MAP3K3: variants seen among roughly 807,000 people sequenced by gnomAD.
The protein encoded by MAP3K3 is mitogen-activated protein kinase kinase kinase 3, also known as MAP/ERK kinase kinase 3.
Under a neutral mutation model 80.9 loss-of-function variants are expected in MAP3K3, and 12 were observed. That is an observed-to-expected ratio of 0.15 (90% CI 0.10 to 0.24). The LOEUF (loss-of-function observed/expected upper bound fraction) is 0.24, where lower values mean the gene tolerates loss of function less well. Ranked by LOEUF, MAP3K3 falls within the 10% of genes least tolerant of loss-of-function variation. The pLI is 1.00. For missense variants in MAP3K3, 596 were observed against 834.7 expected (o/e 0.71, Z 3.52); for synonymous variants, 272 against 307.1 (o/e 0.89, Z 1.19).
At chr17:63,690,561 AG>A in intron 12 of MAP3K3, 149 bp downstream of exon 12, 3 of 834,602 alleles carry the variant, frequency 3.6e-6, no homozygotes, top group Non-Finnish European at 5.5e-6. Flanking sequence ...TCCCAGCCAC[AG>A]GGTGAAAGGA....
chr17:63,657,520 CAA>C, intron 4 of MAP3K3, among the ~76,000 whole-genome samples: 1 of 151,996 alleles, frequency 6.6e-6, no homozygotes, highest in East Asian at 1.9e-4. Context: ...TAAATGGGCA[CAA>C]GAGATCCTGT....
intron 8 of MAP3K3, among the ~76,000 whole-genome samples, chr17:63,687,907 C>A (rs2035492998): frequency 2.0e-5 from 3 of 152,002 alleles, no homozygotes; most frequent in South Asian, 4.2e-4. Context: ...AGCACTCCAG[C>A]CCGGCAGCAG....
At chr17:63,633,157 G>A (rs1055349666) in intron 2 of MAP3K3, among the ~76,000 whole-genome samples, 1 of 151,910 alleles carries the variant, frequency 6.6e-6, no homozygotes, top group Non-Finnish European at 1.5e-5. Flanking sequence ...GAACCTGGAA[G>A]GCAAAGGCTG....
At chr17:63,653,749 C>T (rs1269880191) in intron 4 of MAP3K3, among the ~76,000 whole-genome samples, 2 of 152,124 alleles carry the variant, frequency 1.3e-5, no homozygotes, top group Non-Finnish European at 2.9e-5. Context: ...ATTTATTTAT[C>T]TCTTTGTAAT....
intron 6 of MAP3K3, among the ~76,000 whole-genome samples, chr17:63,671,904 C>T (rs913515381): frequency 6.6e-6 from 1 of 151,710 alleles, no homozygotes; most frequent in African/African-American, 2.4e-5. Flanking sequence ...CAGGTGTTTT[C>T]AGGAGGCTAA....
At chr17:63,670,919 T>G (rs2035094760) in intron 6 of MAP3K3, among the ~76,000 whole-genome samples, 1 of 152,234 alleles carries the variant, frequency 6.6e-6, no homozygotes, top group Non-Finnish European at 1.5e-5. Flanking sequence ...GCATGGAAAG[T>G]AGTGAAAAGC....
intron 5 of MAP3K3, among the ~76,000 whole-genome samples, chr17:63,659,901 A>G (rs1166301230): frequency 6.6e-6 from 1 of 152,152 alleles, no homozygotes; most frequent in African/African-American, 2.4e-5. Context: ...ATAAATTATA[A>G]GGCTACAGTT....
At chr17:63,671,445 G>A (rs1372770703) in intron 6 of MAP3K3, among the ~76,000 whole-genome samples, 1 of 151,916 alleles carries the variant, frequency 6.6e-6, no homozygotes, top group African/African-American at 2.4e-5. Flanking sequence ...TAGTAGAGAC[G>A]GGGTTTCACC....
intron 3 of MAP3K3, among the ~76,000 whole-genome samples, chr17:63,650,696 G>GAGAGA (rs752583799): frequency 1.8e-5 from 2 of 112,484 alleles, no homozygotes; most frequent in African/African-American, 3.7e-5. Context: ...GAGAGAGAGA[G>GAGAGA]TTTTTTTTTT....
In MAP3K3 at chr17:63,622,700, C is replaced by T. The variant is rs1308839815; in HGVS notation, c.-60C>T. ...CCCCGCCGCCCGGGCCCCCGGCATG[C>T]AGCCCCGGCTGCGGAGGTGACACTC... On this transcript the variant is annotated 5_prime_UTR_variant, in exon 1 of 16. An upstream open reading frame in the 5' UTR gains an earlier in-frame stop. Transcript: ENST00000361733. 1.8e-5 allele frequency: 8 copies of T among 436,294 alleles called. No homozygotes were observed. The highest frequency in any genetic ancestry group is 2.7e-5 in the Non-Finnish European group (6 of 222,974). The allele number at this position is 436,294 out of a possible 1,614,324, so 27.0% of individuals were successfully genotyped here.
chr17:63,693,230 C>T lies in MAP3K3; in HGVS notation c.1653-319C>T, dbSNP rs1238415308. ...TGACCTTCAGAACTGTAAGATGATA[C>T]ATTTGTGTTGTTTTCCTGCCTCTAA... On this transcript the variant is annotated intron_variant, in intron 15 of 15. Transcript: ENST00000361733. The surrounding 1 kb of genome is among the most constrained non-coding windows in gnomAD (Gnocchi z 4.2). Among the ~76,000 whole-genome samples the T allele has an allele frequency of 6.6e-6, 1 of 152,194 alleles. No homozygotes were observed. The highest frequency in any genetic ancestry group is 2.4e-5 in the African/African-American group (1 of 41,438).
chr17:63,663,979 A>T (rs141905459), intron 5 of MAP3K3, among the ~76,000 whole-genome samples: 5,220 of 152,234 alleles, frequency 0.034, 320 homozygotes, highest in African/African-American at 0.12. Flanking sequence ...GCGGTGGCTC[A>T]CGCCTGTAAT....
At chr17:63,664,202 G>A (rs1368878146) in intron 5 of MAP3K3, among the ~76,000 whole-genome samples, 6 of 131,550 alleles carry the variant, frequency 4.6e-5, no homozygotes, top group African/African-American at 9.2e-5. Flanking sequence ...AGCCGAGATC[G>A]CGCCACTGCA....
At position 63,691,765 on chromosome 17, in the gene MAP3K3, T is replaced by C. The variant is rs770594407; in HGVS notation, c.1377T>C (p.Gly459=). 9.9e-6 allele frequency: 16 copies of C among 1,614,072 alleles called. No individual in the cohort carries two copies. Among genetic ancestry groups the C allele is most frequent in the Non-Finnish European group, 1.3e-5 (15 of 1,179,990 alleles). ...GSVKDQLKAY[G]ALTESVTRKY... is the part of the protein sequence containing the mutation. ...TGAAAGACCAGTTGAAGGCTTACGG[T>C]GCTCTGACAGAGAGCGTGACCCGAA... Residue 459 remains glycine, a synonymous_variant, in exon 14 of 16, where the codon GGT becomes GGC. Transcript: ENST00000361733. The surrounding 1 kb of genome is among the most constrained non-coding windows in gnomAD (Gnocchi z 4.8).
intron 1 of MAP3K3, 139 bp from the exon 2 acceptor site, chr17:63,632,542 T>G (rs2034238051): frequency 7.9e-6 from 7 of 883,146 alleles, no homozygotes; most frequent in Admixed American, 2.5e-5. Context: ...TCTGACCTTT[T>G]GGGCTGCATC....
rs780121129 is a variant in MAP3K3, at chr17:63,691,738, G to A, written c.1350G>A (p.Ser450=). Residue 450 remains serine, a synonymous_variant, in exon 14 of 16, where the codon TCG becomes TCA. Coordinates refer to ENST00000361733, the MANE Select transcript of MAP3K3 (RefSeq NM_002401.5). This position sits in a 1 kb window ranked among gnomAD's most constrained non-coding sequence, Gnocchi z 4.8. The stretch of plus-strand genomic sequence containing the variant: ...TGACTTCTTGTGGCCTCCAGGGCTC[G>A]GTGAAAGACCAGTTGAAGGCTTACG... ...TIFMEYMPGG[S]VKDQLKAYGA... 26 of 1,613,336 alleles carry A rather than the reference G, an allele frequency of 1.6e-5. No homozygotes were observed. Among genetic ancestry groups the A allele is most frequent in the Non-Finnish European group, 2.0e-5 (24 of 1,179,596 alleles).
At chr17:63,665,729 C>G (rs1157767696) in intron 5 of MAP3K3, among the ~76,000 whole-genome samples, 1 of 152,116 alleles carries the variant, frequency 6.6e-6, no homozygotes, top group Non-Finnish European at 1.5e-5. Flanking sequence ...TCGGAGGCTT[C>G]AGCAAGAACA....
chr17:63,691,253 A>T lies in MAP3K3; in HGVS notation c.1344+20A>T, dbSNP rs955766664. On this transcript the variant is annotated intron_variant, in intron 13 of 15. Coordinates refer to ENST00000361733, the MANE Select transcript of MAP3K3 (RefSeq NM_002401.5). This position sits in a 1 kb window ranked among gnomAD's most constrained non-coding sequence, Gnocchi z 4.8. ...CCAGGGGTACGTGCCCCTTGAATGC[A>T]TGTGAGACACACACAAAAGAGGGCC... 1.2e-6 allele frequency: 2 copies of T among 1,613,882 alleles called. No homozygotes were observed. Among genetic ancestry groups the T allele is most frequent in the Non-Finnish European group, 1.7e-6 (2 of 1,179,976 alleles).
At chr17:63,645,422 G>T (rs1239809260) in intron 2 of MAP3K3, among the ~76,000 whole-genome samples, 2 of 152,234 alleles carry the variant, frequency 1.3e-5, no homozygotes, top group African/African-American at 4.8e-5. Flanking sequence ...TACCCCCAGT[G>T]GGGTAGCTTT....
Sources: allele counts gnomAD v4.1 joint callset (sites outside exome capture counted in the v4.1 genomes callset), GRCh38; gene constraint gnomAD v4.1.1; non-coding constraint Gnocchi (gnomAD v3.1); transcripts MANE v1.5; gene names NCBI Gene and HGNC (gene_info 2026-07-23, HGNC 2026-07-21).